Variants in OR5A2 observed in about 807,000 individuals in gnomAD.
OR5A2 encodes the protein olfactory receptor family 5 subfamily A member 2, also known as olfactory receptor 5A2.
For missense variants in OR5A2, 406 were observed against 398.9 expected (o/e 1.02, Z -0.15); for synonymous variants, 155 against 151.1 (o/e 1.03, Z -0.19).
Position 59,418,893 on chromosome 11 carries a change from G to T in OR5A2, c.*3086C>A, listed in dbSNP as rs970945166. On this transcript the variant is annotated 3_prime_UTR_variant, in exon 2 of 2. Coordinates refer to ENST00000302040, the MANE Select transcript of OR5A2 (RefSeq NM_001001954.2). ...TCTCTGTTCATCAAAAAAGTTTAGA[G>T]ATGGTAAAGATTGATAATAGCTCCA... is the stretch of plus-strand genomic sequence containing the variant. 6.6e-6 allele frequency: 1 copy of T among 152,094 alleles called. No individual in the cohort carries two copies. Among genetic ancestry groups the T allele is most frequent in the African/African-American group, 2.4e-5 (1 of 41,422 alleles). The allele number at this position is 152,094 out of a possible 1,614,324, so 9.4% of individuals were successfully genotyped here.
In OR5A2 at chr11:59,417,570, G is replaced by A. The variant is rs1437508375; in HGVS notation, c.*4409C>T. The A allele has an allele frequency of 6.6e-6, 1 of 152,050 alleles. No homozygotes were observed. The highest frequency in any genetic ancestry group is 1.5e-5 in the Non-Finnish European group (1 of 68,008). The allele number at this position is 152,050 out of a possible 1,614,324, so 9.4% of individuals were successfully genotyped here. On this transcript the variant is annotated 3_prime_UTR_variant, in exon 2 of 2. Coordinates refer to ENST00000302040, the MANE Select transcript of OR5A2 (RefSeq NM_001001954.2). ...CAGGGAGGTAGTCACGGATCAAGCTGATGGAAGAACGTGCTGGCATACATG... is the reference window on the plus strand; with the variant it reads ...CAGGGAGGTAGTCACGGATCAAGCTAATGGAAGAACGTGCTGGCATACATG...
In OR5A2 at chr11:59,417,767, A is replaced by C. The variant is rs999300424; in HGVS notation, c.*4212T>G. 1 of 152,086 alleles carries C rather than the reference A, an allele frequency of 6.6e-6. No individual in the cohort carries two copies. Among genetic ancestry groups the C allele is most frequent in the East Asian group, 1.9e-4 (1 of 5,170 alleles). The allele number at this position is 152,086 out of a possible 1,614,324, so 9.4% of individuals were successfully genotyped here. On this transcript the variant is annotated 3_prime_UTR_variant, in exon 2 of 2. Transcript: ENST00000302040. Reference sequence around the variant, plus strand: ...TTTGTGAAGGTTTAAGACTAGAAACATAAGACTATTCATCTTTAGAAAAAT... The same window carrying C: ...TTTGTGAAGGTTTAAGACTAGAAACCTAAGACTATTCATCTTTAGAAAAAT...
In OR5A2 at chr11:59,421,726, T is replaced by A; in HGVS notation, c.*253A>T. On this transcript the variant is annotated 3_prime_UTR_variant, in exon 2 of 2. Transcript: ENST00000302040. ...TATACATACAAACTCTGTTTTAACA[T>A]TCCAGGATGTTTTTTGTCATGATGA... 2.4e-6 allele frequency: 1 copy of A among 414,690 alleles called. No homozygotes were observed. The highest frequency in any genetic ancestry group is 4.3e-6 in the Non-Finnish European group (1 of 231,924). 25.7% of individuals were successfully genotyped at this position (414,690 alleles called of 1,614,324 possible).
rs776849777 is a variant in OR5A2, at chr11:59,419,009, C to T, written c.*2970G>A. On this transcript the variant is annotated 3_prime_UTR_variant, in exon 2 of 2. Transcript: ENST00000302040. Reference sequence around the variant, plus strand: ...AAATTGATAAACTGAAGGATAGGAGCTTGGTGAGTTAGAGTACAGGTCAAG... The same window carrying T: ...AAATTGATAAACTGAAGGATAGGAGTTTGGTGAGTTAGAGTACAGGTCAAG... The T allele has an allele frequency of 6.6e-6, 1 of 151,896 alleles. No individual in the cohort carries two copies. Among genetic ancestry groups the T allele is most frequent in the Non-Finnish European group, 1.5e-5 (1 of 67,994 alleles). 9.4% of individuals were successfully genotyped at this position (151,896 alleles called of 1,614,324 possible).
chr11:59,421,873 A>G lies in OR5A2; in HGVS notation c.*106T>C, dbSNP rs1392776395. 3 of 1,229,944 alleles carry G rather than the reference A, an allele frequency of 2.4e-6. No homozygotes were observed. Among genetic ancestry groups the G allele is most frequent in the Admixed American group, 2.3e-5 (1 of 43,572 alleles). 76.2% of individuals were successfully genotyped at this position (1,229,944 alleles called of 1,614,324 possible). On this transcript the variant is annotated 3_prime_UTR_variant, in exon 2 of 2. Coordinates refer to ENST00000302040, the MANE Select transcript of OR5A2 (RefSeq NM_001001954.2). ...GCAAACTATTAGTGAAATCTTAAGC[A>G]GGAGGGAAAAAAGCCTGATTCCCAC...
rs1858222859 is a variant in OR5A2, at chr11:59,421,752, A to G, written c.*227T>C. 4.4e-6 allele frequency: 2 copies of G among 454,180 alleles called. No individual in the cohort carries two copies. Among genetic ancestry groups the G allele is most frequent in the Non-Finnish European group, 7.8e-6 (2 of 257,850 alleles). The allele number at this position is 454,180 out of a possible 1,614,324, so 28.1% of individuals were successfully genotyped here. ...TCCAGGATGTTTTTTGTCATGATGA[A>G]GTTTTCTGCTAGGCAGAGCATTTAA... On this transcript the variant is annotated 3_prime_UTR_variant, in exon 2 of 2. Transcript: ENST00000302040.
In OR5A2 at chr11:59,422,793, G is replaced by C; in HGVS notation, c.161C>G (p.Ser54Cys). The C allele has an allele frequency of 1.2e-6, 2 of 1,614,184 alleles. No individual in the cohort carries two copies. The highest frequency in any genetic ancestry group is 1.1e-5 in the South Asian group (1 of 91,086). The change falls in exon 2 of 2, where the codon TCT becomes TGT. Residue 54 changes from serine to cysteine, a missense_variant. Coordinates refer to ENST00000302040, the MANE Select transcript of OR5A2 (RefSeq NM_001001954.2). ...GAAGTACATGGGCATGTGCAGGTGA[G>C]AGTCCATCTTAATGAGGGCAATGAG... ...LSLIALIKMD[S>C]HLHMPMYFFL...
rs772912564 is a variant in OR5A2, at chr11:59,422,435, A to G, written c.519T>C (p.Tyr173=). The change falls in exon 2 of 2, where the codon TAT becomes TAC. Residue 173 remains tyrosine, a synonymous_variant. Transcript: ENST00000302040. ...GGTCACAGAAAAAGTGGTTGATCAT[A>G]TAGGGCCCACAGAAATCATGCTGAT... is the stretch of plus-strand genomic sequence containing the variant. ...SVYQHDFCGP[Y]MINHFFCDLP... 5.0e-6 allele frequency: 8 copies of G among 1,614,188 alleles called. No homozygotes were observed. In the South Asian group the frequency reaches 7.7e-5, roughly 16 times the overall value.
Position 59,422,719 on chromosome 11 carries a change from C to A in OR5A2, c.235G>T (p.Ala79Ser), listed in dbSNP as rs148576774. The A allele has an allele frequency of 3.1e-6, 5 of 1,613,876 alleles. No homozygotes were observed. The African/African-American group carries it at 5.3e-5, about 17-fold the overall frequency. The change falls in exon 2 of 2, where the codon GCC (alanine) becomes TCC (serine). Residue 79 changes from alanine (A) to serine (S), a missense_variant. By Grantham distance (99) the Ala-to-Ser change is moderately conservative. Coordinates refer to ENST00000302040, the MANE Select transcript of OR5A2 (RefSeq NM_001001954.2). The stretch of plus-strand genomic sequence containing the variant: ...ATGATGTCAGACAGCATCTTAGGGG[C>A]GGTGGAGGACACATAGCAGATGTCC... The part of the protein sequence containing the change: ...FLDICYVSST[A>S]PKMLSDIITE...
chr11:59,421,867 T>C lies in OR5A2; in HGVS notation c.*112A>G. 8.2e-7 allele frequency: 1 copy of C among 1,212,232 alleles called. No individual in the cohort carries two copies. The highest frequency in any genetic ancestry group is 1.1e-6 in the Non-Finnish European group (1 of 874,566). 75.1% of individuals were successfully genotyped at this position (1,212,232 alleles called of 1,614,324 possible). A position where few individuals can be genotyped will look rare whatever the true frequency, so the allele number is the denominator to read the frequency against. On this transcript the variant is annotated 3_prime_UTR_variant, in exon 2 of 2. Transcript: ENST00000302040. ...CAACAGGCAAACTATTAGTGAAATC[T>C]TAAGCAGGAGGGAAAAAAGCCTGAT...
At position 59,419,219 on chromosome 11, in the gene OR5A2, T is replaced by C. The variant is rs1469742373; in HGVS notation, c.*2760A>G. The C allele has an allele frequency of 6.6e-6, 1 of 152,164 alleles. No homozygotes were observed. The highest frequency in any genetic ancestry group is 1.9e-4 in the East Asian group (1 of 5,180). The allele number at this position is 152,164 out of a possible 1,614,324, so 9.4% of individuals were successfully genotyped here. ...GTGCACCTGTTGGCTGAGACTGATA[T>C]GTCTCAATTGGAGTGGATACCCTAA... On this transcript the variant is annotated 3_prime_UTR_variant, in exon 2 of 2. Transcript: ENST00000302040.
chr11:59,425,000 A>G (rs1228023933), intron 1 of OR5A2: 2 of 152,218 alleles, frequency 1.3e-5, no homozygotes, highest in African/African-American at 4.8e-5. Context: ...AGTTTTGCCC[A>G]TTCTGTTTCC....
chr11:59,423,327 G>C (rs1041876169), intron 1 of OR5A2: 2 of 186,656 alleles, frequency 1.1e-5, no homozygotes, highest in African/African-American at 4.7e-5. Flanking sequence ...GGTTGAATCA[G>C]ATGAGTTTGA....
chr11:59,425,653 A>C (rs948752417), intron 1 of OR5A2: 16 of 152,328 alleles, frequency 1.1e-4, no homozygotes, highest in African/African-American at 3.4e-4. Flanking sequence ...AAGAATGGAC[A>C]AAGACAGCTT....
rs187064075 is a variant in OR5A2 at position 59,420,643 on chromosome 11, T to C, written c.*1336A>G. ...CAGGCAGATATTATTTACTCACTTA[T>C]TTATAGCCTACCCAAGAAAGGCCAC... On this transcript the variant is annotated 3_prime_UTR_variant, in exon 2 of 2. Transcript: ENST00000302040. 6.6e-6 allele frequency: 1 copy of C among 152,290 alleles called. No homozygotes were observed. The highest frequency in any genetic ancestry group is 1.9e-4 in the East Asian group (1 of 5,174). The allele number at this position is 152,290 out of a possible 1,614,324, so 9.4% of individuals were successfully genotyped here.
Position 59,422,014 on chromosome 11 carries a change from GA to G in OR5A2, c.939del (p.His314ThrfsTer8), listed in dbSNP as rs761407088. The G allele has an allele frequency of 1.9e-6, 3 of 1,613,018 alleles. No individual in the cohort carries two copies. In the East Asian group the frequency reaches 6.7e-5, roughly 36 times the overall value. ...GTCATAAAAATGAATGGTCCACCGTGAGAAATCCCGGGGTCCCTTTCCATGG... is the reference window on the plus strand; with the variant it reads ...GTCATAAAAATGAATGGTCCACCGTGGAAATCCCGGGGTCCCTTTCCATGG... ...RKAMERDPGI[S>X]HGGPFIFMTL... On this transcript the variant is annotated frameshift_variant, in exon 2 of 2. Coordinates refer to ENST00000302040, the MANE Select transcript of OR5A2 (RefSeq NM_001001954.2). LOFTEE classifies it high-confidence loss of function.
At position 59,423,020 on chromosome 11, in the gene OR5A2, T is replaced by C. The variant is rs1217459199; in HGVS notation, c.-67A>G. 3 of 1,488,350 alleles carry C rather than the reference T, an allele frequency of 2.0e-6. No individual in the cohort carries two copies. Among genetic ancestry groups the C allele is most frequent in the South Asian group, 1.3e-5 (1 of 76,866 alleles). The allele number at this position is 1,488,350 out of a possible 1,614,324, so 92.2% of individuals were successfully genotyped here. A position where few individuals can be genotyped will look rare whatever the true frequency, so the allele number is the denominator to read the frequency against. On this transcript the variant is annotated 5_prime_UTR_variant, in exon 2 of 2. Coordinates refer to ENST00000302040, the MANE Select transcript of OR5A2 (RefSeq NM_001001954.2). Reference sequence around the variant, plus strand: ...AATCCTGTGGTCAGCTAGATTTTGTTTGTTATTGTAAGAGTGGGTATTTCC... The same window carrying C: ...AATCCTGTGGTCAGCTAGATTTTGTCTGTTATTGTAAGAGTGGGTATTTCC...
chr11:59,426,016 TTGA>T (rs1417075327), intron 1 of OR5A2, 152 bp downstream of exon 1: 2 of 152,352 alleles, frequency 1.3e-5, no homozygotes, highest in East Asian at 3.9e-4. Flanking sequence ...TTTGAAAGAC[TTGA>T]TTTTTATAAA....
rs192961427 is a variant in OR5A2, at chr11:59,422,636, A to G, written c.318T>C (p.Cys106=). The change falls in exon 2 of 2, where the codon TGT becomes TGC. Residue 106 remains cysteine (C), a synonymous_variant. Coordinates refer to ENST00000302040, the MANE Select transcript of OR5A2 (RefSeq NM_001001954.2). ...VGCATQYFVF[C]GMGLTECFLL... ...GAAAGCATTCAGTCAGCCCCATCCC[A>G]CAGAAGACAAAGTACTGAGTGGCAC... is the stretch of plus-strand genomic sequence containing the variant. 22 of 1,614,150 alleles carry G rather than the reference A, an allele frequency of 1.4e-5. No homozygotes were observed. In the East Asian group the frequency reaches 4.7e-4, roughly 34 times the overall value.
Sources: gnomAD v4.1 joint callset for allele counts on GRCh38, gnomAD v4.1.1 for gene constraint, MANE v1.5 for transcripts, NCBI Gene and HGNC (gene_info 2026-07-23, HGNC 2026-07-21) for gene names.